Variants in ZFR observed in about 807,000 individuals in gnomAD.
ZFR encodes the protein zinc finger RNA binding protein.
Under a neutral mutation model 130.7 loss-of-function variants are expected in ZFR, and 19 were observed. The observed-to-expected ratio is 0.15, with a 90% CI of 0.10 to 0.21. The LOEUF (loss-of-function observed/expected upper bound fraction) is 0.21. Ranked by LOEUF, ZFR falls within the 10% of genes least tolerant of loss-of-function variation. ZFR has a pLI of 1.00. For missense variants in ZFR, 872 were observed against 1,321.5 expected (o/e 0.66, Z 5.27); for synonymous variants, 466 against 456.9 (o/e 1.02, Z -0.25).
intron 17 of ZFR, among the ~76,000 whole-genome samples, chr5:32,372,869 A>T (rs1752707080): frequency 1.3e-5 from 2 of 152,078 alleles, no homozygotes; most frequent in South Asian, 4.1e-4. Flanking sequence ...AAAAGGAACA[A>T]AATGACTGAA....
At chr5:32,404,817 CCT>C (rs1447372732) in intron 6 of ZFR, among the ~76,000 whole-genome samples, 1 of 151,926 alleles carries the variant, frequency 6.6e-6, no homozygotes, top group Non-Finnish European at 1.5e-5. Context: ...CCAAATGGTT[CCT>C]CTGTTACTCT....
At chr5:32,364,463 T>A (rs1752497918) in intron 17 of ZFR, 188 bp from the exon 18 acceptor site, 1 of 338,788 alleles carries the variant, frequency 3.0e-6, no homozygotes, top group Non-Finnish European at 5.4e-6. Flanking sequence ...CCGGGCACAG[T>A]GGCTCACGTC....
chr5:32,384,299 A>C (rs1420991867), intron 15 of ZFR, among the ~76,000 whole-genome samples: 1 of 152,178 alleles, frequency 6.6e-6, no homozygotes, highest in Non-Finnish European at 1.5e-5. Flanking sequence ...CTTGAGTAGA[A>C]ACTCACGTTC....
intron 2 of ZFR, among the ~76,000 whole-genome samples, chr5:32,427,456 T>G (rs1261914180): frequency 1.3e-5 from 2 of 150,546 alleles, no homozygotes; most frequent in Non-Finnish European, 3.0e-5. Context: ...AAAACGTGTG[T>G]ATTAAAAACT....
intron 9 of ZFR, 127 bp downstream of exon 9, chr5:32,399,880 A>T: frequency 1.2e-6 from 1 of 853,432 alleles, no homozygotes; most frequent in Non-Finnish European, 1.7e-6. Context: ...AGATTCCTTT[A>T]ATATTCTTTA....
chr5:32,375,796 T>C (rs1045792983), intron 17 of ZFR, among the ~76,000 whole-genome samples: 1 of 150,258 alleles, frequency 6.7e-6, no homozygotes, highest in South Asian at 2.1e-4. Flanking sequence ...CATGAGCCAC[T>C]AGACCATGAC....
chr5:32,402,784 GAA>G (rs34053562), intron 8 of ZFR, among the ~76,000 whole-genome samples: 34 of 133,650 alleles, frequency 2.5e-4, no homozygotes, highest in Admixed American at 6.0e-4. Context: ...TCTCAAAAAT[GAA>G]AAAAAAAAAA....
intron 17 of ZFR, among the ~76,000 whole-genome samples, chr5:32,365,180 G>A (rs1296793127): frequency 6.6e-6 from 1 of 152,162 alleles, no homozygotes; most frequent in Non-Finnish European, 1.5e-5. Context: ...AAGTTTAAAT[G>A]AGACTACCAA....
chr5:32,380,022 T>C (rs1327999579), intron 16 of ZFR, 53 bp downstream of exon 16: 4 of 1,461,130 alleles, frequency 2.7e-6, no homozygotes, highest in Non-Finnish European at 3.8e-6. Flanking sequence ...CATGTTGTAC[T>C]GAACTACTTC....
chr5:32,441,618 C>T (rs1405762237), intron 2 of ZFR, among the ~76,000 whole-genome samples: 1 of 151,954 alleles, frequency 6.6e-6, no homozygotes, highest in Non-Finnish European at 1.5e-5. Flanking sequence ...TAAAGTAGAC[C>T]TTGGTCTTCC....
At chr5:32,393,978 C>T (rs1365749225) in intron 11 of ZFR, among the ~76,000 whole-genome samples, 1 of 151,976 alleles carries the variant, frequency 6.6e-6, no homozygotes, top group Non-Finnish European at 1.5e-5. Flanking sequence ...ACAATAACAA[C>T]AAGGATTGGT....
In ZFR at chr5:32,354,439, CATT is replaced by C. The variant is rs1184496405; in HGVS notation, c.*1318_*1320del. ...ATTCTAACATATAATACATTTAAGTCATTATATGAATTTCATTTTTTGTGTATT... is the reference window on the plus strand; with the variant it reads ...ATTCTAACATATAATACATTTAAGTCATATGAATTTCATTTTTTGTGTATT... On this transcript the variant is annotated 3_prime_UTR_variant, in exon 20 of 20. Transcript: ENST00000265069. 2 of 152,512 alleles carry C rather than the reference CATT, an allele frequency of 1.3e-5. No individual in the cohort carries two copies. The highest frequency in any genetic ancestry group is 2.9e-5 in the Non-Finnish European group (2 of 68,018). The allele number at this position is 152,512 out of a possible 1,614,324, so 9.4% of individuals were successfully genotyped here.
chr5:32,385,359 T>G (rs1438198047), intron 15 of ZFR, 149 bp downstream of exon 15: 26 of 825,724 alleles, frequency 3.1e-5, no homozygotes, highest in Middle Eastern at 3.7e-4. Flanking sequence ...GGAAATTATC[T>G]TAGGCAAAAC....
chr5:32,444,160 G>A (rs1283139123), intron 2 of ZFR, 69 bp downstream of exon 2: 66 of 1,520,868 alleles, frequency 4.3e-5, no homozygotes, highest in Non-Finnish European at 5.8e-5. Flanking sequence ...GCGCGGGGGC[G>A]TCGCATCGAC....
chr5:32,402,617 A>G (rs1373560335), intron 8 of ZFR, among the ~76,000 whole-genome samples: 3 of 151,464 alleles, frequency 2.0e-5, no homozygotes, highest in South Asian at 2.1e-4. Context: ...AAAAAAGAAA[A>G]AAAAAAAAAA....
At chr5:32,436,310 G>A (rs1477992350) in intron 2 of ZFR, among the ~76,000 whole-genome samples, 2 of 151,468 alleles carry the variant, frequency 1.3e-5, no homozygotes, top group African/African-American at 4.9e-5. Flanking sequence ...CACCACGCCC[G>A]GCTGATTTTT....
intron 5 of ZFR, among the ~76,000 whole-genome samples, chr5:32,407,704 G>A (rs1016699711): frequency 7.2e-5 from 11 of 152,086 alleles, no homozygotes; most frequent in Non-Finnish European, 1.3e-4. Context: ...CAATACATTG[G>A]TTCTCATCTT....
intron 8 of ZFR, among the ~76,000 whole-genome samples, chr5:32,400,651 C>T (rs1359248535): frequency 2.6e-5 from 4 of 152,098 alleles, no homozygotes; most frequent in Admixed American, 6.5e-5. Context: ...GAGTTTGAGC[C>T]TAGAAGTTTG....
intron 3 of ZFR, among the ~76,000 whole-genome samples, chr5:32,418,599 C>T (rs2111820402): frequency 6.6e-6 from 1 of 152,252 alleles, no homozygotes; most frequent in Admixed American, 6.5e-5. Context: ...CACTGGGTTT[C>T]ACAGACACTA....
Sources: gnomAD v4.1 joint callset for allele counts (sites outside exome capture counted in the v4.1 genomes callset) on GRCh38, gnomAD v4.1.1 for gene constraint, MANE v1.5 for transcripts, NCBI Gene and HGNC (gene_info 2026-07-23, HGNC 2026-07-21) for gene names.